Variants in MGAT5 observed in about 807,000 individuals in gnomAD.
MGAT5 encodes the protein alpha-1,6-mannosylglycoprotein 6-beta-N-acetylglucosaminyltransferase A.
Under a neutral mutation model 94.3 loss-of-function variants are expected in MGAT5, and 30 were observed. That is an observed-to-expected ratio of 0.32 (90% confidence interval 0.24 to 0.43). The LOEUF (loss-of-function observed/expected upper bound fraction) is 0.43. Among genes scored for constraint, MGAT5 ranks in the 20% least tolerant of loss-of-function variants. The pLI, the probability that MGAT5 is intolerant of heterozygous loss-of-function variation, is 1.00. For synonymous variants in MGAT5, 310 were observed against 322.9 expected, an observed-to-expected ratio of 0.96 and a Z score of 0.43; for missense variants, 691 against 905.5, an observed-to-expected ratio of 0.76 and a Z score of 3.04.
chr2:134,403,480 TG>T (rs1368290359), intron 11 of MGAT5, among the ~76,000 whole-genome samples: 1 of 152,046 alleles, frequency 6.6e-6, no homozygotes, highest in Non-Finnish European at 1.5e-5. Flanking sequence ...AAGCCAGGGG[TG>T]CTGAACTCTT....
chr2:134,383,247 A>G (rs1314404132), intron 10 of MGAT5, among the ~76,000 whole-genome samples: 1 of 152,192 alleles, frequency 6.6e-6, no homozygotes, highest in African/African-American at 2.4e-5. Flanking sequence ...CTATTAGTTC[A>G]TCACCTATTT....
chr2:134,439,530 C>T (rs1034763445), intron 14 of MGAT5, among the ~76,000 whole-genome samples: 1 of 152,138 alleles, frequency 6.6e-6, no homozygotes, highest in South Asian at 2.1e-4. Flanking sequence ...AACCTCGTCT[C>T]TACTAAAAAT....
intron 1 of MGAT5, among the ~76,000 whole-genome samples, chr2:134,202,948 T>C (rs150607134): frequency 6.6e-6 from 1 of 152,290 alleles, no homozygotes; most frequent in Non-Finnish European, 1.5e-5. Context: ...GGCCCACCTG[T>C]CCTAAGACAA....
In MGAT5 at chr2:134,159,224, T is replaced by TGG. The variant is rs1558962589; in HGVS notation, c.-143+38934_-143+38935dup. On this transcript the variant is annotated intron_variant, in intron 1 of 16. Coordinates refer to the MGAT5 transcript ENST00000409645. ...GTGTGTGTGTGTGTGTGTGTGTGTG[T>TGG]GGTCCCTGTATTCCCAACATAGTGT... Among the ~76,000 whole-genome samples, 4 of 150,818 alleles carry TGG rather than the reference T, an allele frequency of 2.7e-5. No individual in the cohort carries two copies. In the East Asian group the frequency reaches 8.0e-4, roughly 30 times the overall value.
chr2:134,127,114 T>TA (rs1162009819), intron 1 of MGAT5: 2 of 154,746 alleles, frequency 1.3e-5, no homozygotes, highest in Non-Finnish European at 2.9e-5. Context: ...AGCACCTAGT[T>TA]AGAGGCCCCA....
intron 1 of MGAT5, among the ~76,000 whole-genome samples, chr2:134,161,217 T>C (rs570883623): frequency 6.6e-6 from 1 of 152,348 alleles, no homozygotes; most frequent in African/African-American, 2.4e-5. Context: ...AGGGAATGAC[T>C]GTCCTTGCAT....
chr2:134,398,935 A>G (rs1682872511), intron 10 of MGAT5, among the ~76,000 whole-genome samples: 1 of 152,218 alleles, frequency 6.6e-6, no homozygotes, highest in Non-Finnish European at 1.5e-5. Context: ...GGGAATAAAG[A>G]GTAGTGAGTT....
At chr2:134,300,205 C>T (rs1241893087) in intron 2 of MGAT5, among the ~76,000 whole-genome samples, 2 of 152,138 alleles carry the variant, frequency 1.3e-5, no homozygotes, top group East Asian at 3.8e-4. Flanking sequence ...TTTCAGATTT[C>T]CCTCATTTAG....
intron 14 of MGAT5, among the ~76,000 whole-genome samples, chr2:134,438,830 G>C (rs1327288328): frequency 1.3e-5 from 2 of 152,140 alleles, no homozygotes. Flanking sequence ...ATTTTCAGAA[G>C]AGTAAGCTGC....
chr2:134,200,982 A>T (rs774773560), intron 1 of MGAT5, among the ~76,000 whole-genome samples: 1 of 152,030 alleles, frequency 6.6e-6, no homozygotes, highest in Non-Finnish European at 1.5e-5. Flanking sequence ...TGACACGATC[A>T]TAGCTCACTG....
intron 1 of MGAT5, among the ~76,000 whole-genome samples, chr2:134,147,178 A>G (rs1686958016): frequency 6.6e-6 from 1 of 152,160 alleles, no homozygotes; most frequent in South Asian, 2.1e-4. Flanking sequence ...TTATTAGTAA[A>G]ATGGGATAAT....
At chr2:134,171,870 G>T (rs1688228377) in intron 1 of MGAT5, among the ~76,000 whole-genome samples, 1 of 152,144 alleles carries the variant, frequency 6.6e-6, no homozygotes, top group Non-Finnish European at 1.5e-5. Context: ...AGAGGGCCAA[G>T]TTATGTAGAG....
Position 134,318,634 on chromosome 2 carries a change from GTTC to G in MGAT5, c.484-10_484-8del, listed in dbSNP as rs780155372. 7 of 1,605,100 alleles carry G rather than the reference GTTC, an allele frequency of 4.4e-6. No homozygotes were observed. Among genetic ancestry groups the G allele is most frequent in the East Asian group, 4.5e-5 (2 of 44,788 alleles). ...GCCTGTGAATGGGCTGCTCAGAGAT[GTTC>G]TTCTTGTTTCAGTGGATGAAAGACA... is the stretch of plus-strand genomic sequence containing the variant. On this transcript the variant is annotated splice_polypyrimidine_tract_variant and intron_variant, in intron 3 of 15. Coordinates refer to ENST00000281923, the MANE Select transcript of MGAT5 (RefSeq NM_002410.5).
In MGAT5 at chr2:134,313,202, A is replaced by G. The variant is rs187341151; in HGVS notation, c.407-4327A>G. Reference sequence around the variant, plus strand: ...TCTCGATACGTGTGTGTCTGTTGGGACTGTCAGGGAGAATCTGTCTCCACG... The same window carrying G: ...TCTCGATACGTGTGTGTCTGTTGGGGCTGTCAGGGAGAATCTGTCTCCACG... On this transcript the variant is annotated intron_variant, in intron 2 of 15. Transcript: ENST00000281923. Among the ~76,000 whole-genome samples, 6 of 151,834 alleles carry G rather than the reference A, an allele frequency of 4.0e-5. No individual in the cohort carries two copies. In the East Asian group the frequency reaches 1.2e-3, roughly 29 times the overall value.
At chr2:134,229,752 A>T (rs1302157260) in intron 1 of MGAT5, among the ~76,000 whole-genome samples, 1 of 152,196 alleles carries the variant, frequency 6.6e-6, no homozygotes, top group Non-Finnish European at 1.5e-5. Flanking sequence ...AATGGGAGAA[A>T]ATATTTGCAA....
At chr2:134,175,809 C>T (rs753774801) in intron 1 of MGAT5, among the ~76,000 whole-genome samples, 5 of 152,214 alleles carry the variant, frequency 3.3e-5, no homozygotes, top group Non-Finnish European at 7.3e-5. Context: ...GGGGTGGAGG[C>T]CGCTTTACTT....
chr2:134,342,567 C>T (rs1688692343), intron 7 of MGAT5, among the ~76,000 whole-genome samples: 2 of 152,070 alleles, frequency 1.3e-5, no homozygotes, highest in South Asian at 2.1e-4. Flanking sequence ...ACCTGGCCAA[C>T]ATGGTGAGAC....
At chr2:134,274,672 C>T (rs1035097083) in intron 2 of MGAT5, among the ~76,000 whole-genome samples, 2 of 152,134 alleles carry the variant, frequency 1.3e-5, no homozygotes, top group African/African-American at 2.4e-5. Flanking sequence ...TCCTTAAAAG[C>T]CAAAACCATA....
intron 1 of MGAT5, among the ~76,000 whole-genome samples, chr2:134,194,832 G>GC (rs1679421852): frequency 6.6e-6 from 1 of 152,170 alleles, no homozygotes. Flanking sequence ...TCTTCCATGA[G>GC]CATTTGCGCC....
Sources: gnomAD v4.1 joint callset for allele counts (sites outside exome capture counted in the v4.1 genomes callset) on GRCh38, gnomAD v4.1.1 for gene constraint, MANE v1.5 for transcripts, NCBI Gene and HGNC (gene_info 2026-07-23, HGNC 2026-07-21) for gene names.